LRRC4C: variants seen among roughly 807,000 people sequenced by gnomAD.
The protein encoded by LRRC4C is leucine-rich repeat-containing protein 4C.
LRRC4C carries 5 observed loss-of-function variants against 33.6 expected under a neutral mutation model. The ratio of observed to expected loss-of-function variants is 0.15; its 90% CI spans 0.08 to 0.31. LRRC4C has a LOEUF of 0.31. Ranked by LOEUF, LRRC4C falls within the 10% of genes least tolerant of loss-of-function variation. The pLI is 1.00. For missense variants in LRRC4C, 560 were observed against 796.7 expected, an observed-to-expected ratio of 0.70 and a Z score of 3.58; for synonymous variants, 329 against 302.0, an observed-to-expected ratio of 1.09 and a Z score of -0.93.
chr11:41,103,371 A>T (rs958604477), intron 1 of LRRC4C, among the ~76,000 whole-genome samples: 1 of 151,912 alleles, frequency 6.6e-6, no homozygotes, highest in Admixed American at 6.6e-5. Flanking sequence ...TTTCCCCTCA[A>T]TCAATCCAGT....
At chr11:41,064,070 C>T (rs559319586) in intron 1 of LRRC4C, among the ~76,000 whole-genome samples, 1 of 152,252 alleles carries the variant, frequency 6.6e-6, no homozygotes, top group East Asian at 1.9e-4. Flanking sequence ...TGGTTATAAA[C>T]TTTAGGAATG....
In LRRC4C at chr11:40,479,305, T is replaced by C. The variant is rs369977104; in HGVS notation, c.-269-159584A>G. ...AATTAATATTTTTCTTCAAAAGTTATTCAAGTAACCTTCAAAAAGGTCTGC... is the reference window on the plus strand; with the variant it reads ...AATTAATATTTTTCTTCAAAAGTTACTCAAGTAACCTTCAAAAAGGTCTGC... On this transcript the variant is annotated intron_variant, in intron 3 of 6. Transcript: ENST00000528697. Among the ~76,000 whole-genome samples the C allele has an allele frequency of 2.4e-4, 37 of 152,300 alleles. No individual in the cohort carries two copies. The East Asian group carries it at 4.4e-3, about 18-fold the overall frequency.
chr11:40,302,669 G>A (rs928464922), intron 4 of LRRC4C, among the ~76,000 whole-genome samples: 3 of 152,128 alleles, frequency 2.0e-5, no homozygotes, highest in African/African-American at 7.2e-5. Flanking sequence ...ATCCATTTAT[G>A]TATTGAACGA....
intron 6 of LRRC4C, among the ~76,000 whole-genome samples, chr11:40,125,487 AAC>A (rs569014564): frequency 2.7e-4 from 41 of 152,074 alleles, no homozygotes; most frequent in Non-Finnish European, 5.3e-4. Context: ...TTACAGTATA[AAC>A]AGTTATTATT....
intron 3 of LRRC4C, among the ~76,000 whole-genome samples, chr11:40,565,589 C>T (rs1339878076): frequency 6.6e-6 from 1 of 152,136 alleles, no homozygotes; most frequent in African/African-American, 2.4e-5. Context: ...AACTCCCTTC[C>T]TTCCATTACA....
intron 2 of LRRC4C, among the ~76,000 whole-genome samples, chr11:40,797,114 A>G (rs1950865900): frequency 6.6e-6 from 1 of 152,226 alleles, no homozygotes. Flanking sequence ...CAACCATGGA[A>G]AGACACATGC....
At chr11:41,268,218 C>G (rs1949212846) in intron 1 of LRRC4C, among the ~76,000 whole-genome samples, 1 of 152,090 alleles carries the variant, frequency 6.6e-6, no homozygotes, top group Non-Finnish European at 1.5e-5. Flanking sequence ...CTGCCATGCT[C>G]TGGAGTCGTA....
At chr11:40,410,365 C>G (rs1950113473) in intron 3 of LRRC4C, among the ~76,000 whole-genome samples, 1 of 151,912 alleles carries the variant, frequency 6.6e-6, no homozygotes, top group African/African-American at 2.4e-5. Flanking sequence ...TTTTTTTGCA[C>G]TAAATCATCA....
At chr11:40,630,316 T>G (rs1963342020) in intron 3 of LRRC4C, among the ~76,000 whole-genome samples, 1 of 150,604 alleles carries the variant, frequency 6.6e-6, no homozygotes, top group Non-Finnish European at 1.5e-5. Context: ...TATTACTTGT[T>G]TTCTTTCTTC....
intron 1 of LRRC4C, among the ~76,000 whole-genome samples, chr11:41,145,420 C>A (rs1943685752): frequency 1.3e-5 from 2 of 152,132 alleles, no homozygotes; most frequent in Admixed American, 1.3e-4. Context: ...CAAGAATTGG[C>A]AAACTACACG....
At chr11:40,585,491 CT>C (rs1182819429) in intron 3 of LRRC4C, among the ~76,000 whole-genome samples, 1 of 147,918 alleles carries the variant, frequency 6.8e-6, no homozygotes, top group Non-Finnish European at 1.5e-5. Context: ...TTTTTTTATA[CT>C]TTAAGTTTTA....
At chr11:40,839,293 G>T (rs888435408) in intron 2 of LRRC4C, among the ~76,000 whole-genome samples, 2 of 152,018 alleles carry the variant, frequency 1.3e-5, no homozygotes, top group African/African-American at 4.8e-5. Context: ...GGAGTGCAGT[G>T]GCACAATCTC....
chr11:40,810,364 A>C (rs971142931), intron 2 of LRRC4C, among the ~76,000 whole-genome samples: 1 of 152,156 alleles, frequency 6.6e-6, no homozygotes, highest in East Asian at 1.9e-4. Flanking sequence ...TAAGTTATGA[A>C]TGTAGGAGTA....
intron 2 of LRRC4C, among the ~76,000 whole-genome samples, chr11:40,678,262 A>C (rs1015875054): frequency 1.3e-5 from 2 of 152,042 alleles, no homozygotes; most frequent in Admixed American, 1.3e-4. Flanking sequence ...TATACTACCC[A>C]GTAGGTAGAA....
chr11:41,406,708 A>C (rs1954251296), intron 1 of LRRC4C, among the ~76,000 whole-genome samples: 1 of 25,042 alleles, frequency 4.0e-5, no homozygotes, highest in South Asian at 1.9e-3. Flanking sequence ...CACATTCACC[A>C]CACACACACA....
chr11:41,157,195 A>G (rs960245507), intron 1 of LRRC4C, among the ~76,000 whole-genome samples: 1 of 152,098 alleles, frequency 6.6e-6, no homozygotes, highest in Non-Finnish European at 1.5e-5. Context: ...CCAGCCCAAA[A>G]TGAATTAAGA....
intron 1 of LRRC4C, among the ~76,000 whole-genome samples, chr11:41,168,575 T>C (rs2136079224): frequency 6.6e-6 from 1 of 152,010 alleles, no homozygotes; most frequent in Non-Finnish European, 1.5e-5. Flanking sequence ...TCATATAAGG[T>C]GAAGACAGGA....
chr11:40,252,226 C>T (rs1462064500), intron 4 of LRRC4C, among the ~76,000 whole-genome samples: 1 of 151,790 alleles, frequency 6.6e-6, no homozygotes, highest in Non-Finnish European at 1.5e-5. Context: ...TATACATATA[C>T]TCACACTCAC....
At chr11:40,628,482 A>T (rs1963174184) in intron 3 of LRRC4C, among the ~76,000 whole-genome samples, 1 of 151,734 alleles carries the variant, frequency 6.6e-6, no homozygotes, top group Admixed American at 6.6e-5. Flanking sequence ...CATCTCAAAA[A>T]AACAAAACAA....
Sources: allele counts gnomAD v4.1 joint callset (sites outside exome capture counted in the v4.1 genomes callset), GRCh38; gene constraint gnomAD v4.1.1; transcripts MANE v1.5; gene names NCBI Gene and HGNC (gene_info 2026-07-23, HGNC 2026-07-21).